KIAA2012: variants seen among roughly 807,000 people sequenced by gnomAD.
KIAA2012 encodes KIAA2012, also known as uncharacterized protein KIAA2012.
In KIAA2012, 125 loss-of-function variants were observed where a neutral mutation model predicts 150.6. The ratio of observed to expected loss-of-function variants is 0.83; its 90% CI spans 0.72 to 0.96. KIAA2012 has a LOEUF of 0.96. Ranked by LOEUF, KIAA2012 falls within the 40% of genes least tolerant of loss-of-function variation. The pLI is 0.00. For missense variants in KIAA2012, 1,219 were observed against 1,354.9 expected (o/e 0.90, Z 1.57); for synonymous variants, 462 against 504.7 (o/e 0.92, Z 1.13).
At chr2:202,090,286 G>C (rs1482912201) in intron 2 of KIAA2012, among the ~76,000 whole-genome samples, 3 of 152,164 alleles carry the variant, frequency 2.0e-5, no homozygotes, top group Admixed American at 6.5e-5. Context: ...ATTCTCCCCA[G>C]CTTAAATGAA....
At chr2:202,106,675 A>C (rs1228379972) in intron 9 of KIAA2012, among the ~76,000 whole-genome samples, 1 of 151,304 alleles carries the variant, frequency 6.6e-6, no homozygotes, top group African/African-American at 2.5e-5. Flanking sequence ...TGACAGAGCA[A>C]GACCCTGTCT....
intron 8 of KIAA2012, among the ~76,000 whole-genome samples, chr2:202,105,105 A>T (rs1690148021): frequency 6.8e-6 from 1 of 147,042 alleles, no homozygotes; most frequent in Admixed American, 6.9e-5. Flanking sequence ...AAAATGTGTT[A>T]AGCAAAAATA....
intron 11 of KIAA2012, chr2:202,115,273 C>T (rs1690486474): frequency 6.6e-6 from 1 of 152,156 alleles, no homozygotes; most frequent in Admixed American, 6.5e-5. Flanking sequence ...CCACACCGAA[C>T]TCTTTGCAGA....
chr2:202,197,815 A>G (rs11674358), intron 22 of KIAA2012: 68,936 of 147,698 alleles, frequency 0.47, 16,264 homozygotes, highest in African/African-American at 0.49. Context: ...AGTGAGCTAA[A>G]ATCAAGTCAC....
intron 15 of KIAA2012, among the ~76,000 whole-genome samples, chr2:202,183,416 T>C (rs1386699216): frequency 2.2e-5 from 3 of 136,104 alleles, no homozygotes; most frequent in Non-Finnish European, 4.7e-5. Context: ...CAAGGCTCTG[T>C]CTCAAAAAAA....
At chr2:202,139,129 T>C (rs572333911) in intron 13 of KIAA2012, among the ~76,000 whole-genome samples, 8 of 151,300 alleles carry the variant, frequency 5.3e-5, no homozygotes, top group Admixed American at 6.6e-5. Context: ...TGGTCCCAGC[T>C]ACTTGGGAGG....
intron 13 of KIAA2012, among the ~76,000 whole-genome samples, chr2:202,152,348 A>G (rs1026083634): frequency 1.3e-5 from 2 of 152,200 alleles, no homozygotes; most frequent in African/African-American, 2.4e-5. Context: ...CGAAAGATTT[A>G]TAGGTCAAGT....
chr2:202,084,654 C>T (rs559298995), intron 2 of KIAA2012, among the ~76,000 whole-genome samples: 1 of 152,312 alleles, frequency 6.6e-6, no homozygotes, highest in Admixed American at 6.5e-5. Context: ...CCCTGGCTCC[C>T]TTCTGTCTCC....
At chr2:202,089,531 C>T (rs1559199190) in intron 2 of KIAA2012, among the ~76,000 whole-genome samples, 1 of 152,224 alleles carries the variant, frequency 6.6e-6, no homozygotes, top group Non-Finnish European at 1.5e-5. Context: ...TTCTAACTGG[C>T]TCCACACAGT....
intron 4 of KIAA2012, 65 bp from the exon 5 acceptor site, chr2:202,097,370 G>A: frequency 6.5e-7 from 1 of 1,538,698 alleles, no homozygotes; most frequent in South Asian, 1.2e-5. Context: ...GAGGCAGTTT[G>A]GAGGCAGCAA....
At chr2:202,170,540 C>A (rs759618307) in intron 15 of KIAA2012, among the ~76,000 whole-genome samples, 1 of 152,210 alleles carries the variant, frequency 6.6e-6, no homozygotes, top group Non-Finnish European at 1.5e-5. Flanking sequence ...TCATAGCCTT[C>A]ATGGTTGGAT....
At chr2:202,195,201 C>T (rs1217202894) in intron 21 of KIAA2012, among the ~76,000 whole-genome samples, 1 of 152,046 alleles carries the variant, frequency 6.6e-6, no homozygotes, top group East Asian at 1.9e-4. Context: ...AAACATTCAT[C>T]ATTTGTGTTG....
intron 4 of KIAA2012, among the ~76,000 whole-genome samples, chr2:202,096,085 C>T (rs550163476): frequency 5.9e-5 from 9 of 152,024 alleles, no homozygotes; most frequent in Admixed American, 2.0e-4. Context: ...CTACGTCCCC[C>T]GCACCCCCCA....
chr2:202,145,603 A>G (rs1285894628), intron 13 of KIAA2012, among the ~76,000 whole-genome samples: 1 of 151,836 alleles, frequency 6.6e-6, no homozygotes, highest in African/African-American at 2.4e-5. Flanking sequence ...AAAGATATGT[A>G]AAAGGATAGT....
At chr2:202,096,137 A>C (rs1384939026) in intron 4 of KIAA2012, among the ~76,000 whole-genome samples, 1 of 151,846 alleles carries the variant, frequency 6.6e-6, no homozygotes, top group Non-Finnish European at 1.5e-5. Flanking sequence ...CACTTCCTCC[A>C]CCCTCAGAAA....
intron 23 of KIAA2012, among the ~76,000 whole-genome samples, chr2:202,204,085 T>G (rs1169277521): frequency 3.7e-4 from 56 of 151,356 alleles, no homozygotes; most frequent in Admixed American, 9.9e-4. Context: ...TGTTTTTTTT[T>G]TTTTTTTTTA....
chr2:202,093,331 C>A, intron 4 of KIAA2012, 146 bp downstream of exon 4: 1 of 795,872 alleles, frequency 1.3e-6, no homozygotes, highest in South Asian at 1.8e-5. Context: ...TAGTGCAGAC[C>A]AGCACTGTCC....
At chr2:202,198,805 G>C (rs895489544) in intron 22 of KIAA2012, among the ~76,000 whole-genome samples, 2 of 152,098 alleles carry the variant, frequency 1.3e-5, no homozygotes, top group Admixed American at 6.6e-5. Context: ...AACTTAAGCT[G>C]AATCTAAGAT....
intron 11 of KIAA2012, chr2:202,115,102 T>G (rs1690481904): frequency 6.3e-6 from 1 of 158,282 alleles, no homozygotes; most frequent in Non-Finnish European, 1.5e-5. Context: ...CTTTTTTGTT[T>G]GTTTGTTTGT....
Sources: gnomAD v4.1 joint callset for allele counts (sites outside exome capture counted in the v4.1 genomes callset) on GRCh38, gnomAD v4.1.1 for gene constraint, MANE v1.5 for transcripts, NCBI Gene and HGNC (gene_info 2026-07-23, HGNC 2026-07-21) for gene names.